Variants in TBL1X observed in about 807,000 individuals in gnomAD.
TBL1X encodes F-box-like/WD repeat-containing protein TBL1X.
Under a neutral mutation model 50.7 loss-of-function variants are expected in TBL1X, and 10 were observed. The observed-to-expected ratio is 0.20, with a 90% CI of 0.12 to 0.33. TBL1X has a LOEUF of 0.33. Among genes scored for constraint, TBL1X ranks in the 10% least tolerant of loss-of-function variants. The probability of loss-of-function intolerance (pLI) is 1.00; values close to 1 mark genes in which losing one functional copy is unlikely to be tolerated. For missense variants in TBL1X, 340 were observed against 504.4 expected (o/e 0.67, Z 3.12); for synonymous variants, 190 against 214.7 (o/e 0.88, Z 1.01).
intron 2 of TBL1X, among the ~76,000 whole-genome samples, chrX:9,627,905 G>A (rs2082700677): frequency 8.9e-6 from 1 of 112,114 alleles, no homozygotes; most frequent in Non-Finnish European, 1.9e-5. Context: ...TGATGGTTCA[G>A]TTATATAATG....
At chrX:9,587,367 C>T (rs1023996579) in intron 2 of TBL1X, among the ~76,000 whole-genome samples, 7 of 112,155 alleles carry the variant, frequency 6.2e-5, no homozygotes, top group Non-Finnish European at 1.3e-4. Flanking sequence ...GATGGGGCCC[C>T]TGCTGTGACC....
At chrX:9,580,293 G>A (rs758760959) in intron 2 of TBL1X, among the ~76,000 whole-genome samples, 1 of 112,496 alleles carries the variant, frequency 8.9e-6, no homozygotes, top group South Asian at 3.7e-4. Flanking sequence ...TCCAAGCACA[G>A]CTTGGTTTTA....
intron 1 of TBL1X, among the ~76,000 whole-genome samples, chrX:9,473,424 G>C (rs186936740): frequency 8.9e-6 from 1 of 112,141 alleles, no homozygotes; most frequent in Non-Finnish European, 1.9e-5. Flanking sequence ...TCTGACAGTA[G>C]CAGGAGAGTC....
chrX:9,576,262 A>C (rs1467796357), intron 2 of TBL1X, among the ~76,000 whole-genome samples: 1 of 112,285 alleles, frequency 8.9e-6, no homozygotes, highest in Non-Finnish European at 1.9e-5. Flanking sequence ...CAGTGTAGGC[A>C]TCAGGCCACG....
intron 2 of TBL1X, among the ~76,000 whole-genome samples, chrX:9,552,464 G>C (rs1042740067): frequency 9.0e-6 from 1 of 111,708 alleles, no homozygotes; most frequent in African/African-American, 3.3e-5. Flanking sequence ...GTATCACTCC[G>C]ACTTAAACCA....
chrX:9,581,650 A>T (rs536762135), intron 2 of TBL1X, among the ~76,000 whole-genome samples: 2 of 112,406 alleles, frequency 1.8e-5, no homozygotes, highest in South Asian at 7.5e-4. Context: ...AAATGCCAAC[A>T]TAAGAAACCC....
chrX:9,696,739 C>G (rs748377684), intron 11 of TBL1X, among the ~76,000 whole-genome samples: 2 of 112,538 alleles, frequency 1.8e-5, no homozygotes, highest in East Asian at 5.6e-4. Flanking sequence ...TCTGGAGATG[C>G]TTTGTTCCAG....
chrX:9,638,380 GA>G (rs2082759007), intron 2 of TBL1X, among the ~76,000 whole-genome samples: 1 of 112,104 alleles, frequency 8.9e-6, no homozygotes. Flanking sequence ...TAATAATGGG[GA>G]AATCAGTAAT....
intron 2 of TBL1X, among the ~76,000 whole-genome samples, chrX:9,531,354 G>GGGGTGTGTGTGTGT (rs755352161): frequency 2.7e-5 from 2 of 75,225 alleles, no homozygotes; most frequent in Non-Finnish European, 5.1e-5. Flanking sequence ...GAACCTGGAG[G>GGGGTGTGTGTGTGT]GTGTGTGTGT....
At chrX:9,552,524 A>G (rs761733898) in intron 2 of TBL1X, among the ~76,000 whole-genome samples, 12 of 111,880 alleles carry the variant, frequency 1.1e-4, no homozygotes, top group Non-Finnish European at 2.3e-4. Context: ...AATCTTCTAC[A>G]GGTGAGTAGG....
chrX:9,648,571 G>A (rs2082817345), intron 3 of TBL1X, among the ~76,000 whole-genome samples: 2 of 111,937 alleles, frequency 1.8e-5, no homozygotes, highest in Admixed American at 1.9e-4. Context: ...TTCCAAAATC[G>A]TGGGTCTTGT....
At chrX:9,490,788 G>A (rs1178980313) in intron 1 of TBL1X, among the ~76,000 whole-genome samples, 1 of 111,569 alleles carries the variant, frequency 9.0e-6, no homozygotes, top group Admixed American at 9.5e-5. Flanking sequence ...ATTCTTTGTT[G>A]TATTAAGTAT....
intron 5 of TBL1X, among the ~76,000 whole-genome samples, chrX:9,678,349 T>G (rs1364840283): frequency 9.0e-6 from 1 of 111,631 alleles, no homozygotes; most frequent in African/African-American, 3.3e-5. Context: ...CCCATTGTAG[T>G]GTGAAAATAG....
chrX:9,681,502 C>CA (rs1341277125), intron 5 of TBL1X, among the ~76,000 whole-genome samples: 1 of 112,275 alleles, frequency 8.9e-6, no homozygotes, highest in African/African-American at 3.2e-5. Context: ...ACAGAGTGCC[C>CA]AGGTTTGGTT....
intron 2 of TBL1X, among the ~76,000 whole-genome samples, chrX:9,630,875 C>T (rs2146578460): frequency 8.9e-6 from 1 of 112,461 alleles, no homozygotes; most frequent in East Asian, 2.8e-4. Context: ...CACACCTGGC[C>T]TTAAAAATAT....
chrX:9,553,612 TC>T (rs779852021), intron 2 of TBL1X, among the ~76,000 whole-genome samples: 11 of 111,410 alleles, frequency 9.9e-5, no homozygotes, highest in Non-Finnish European at 1.5e-4. Context: ...GCTAACTGTT[TC>T]TATGGATTCC....
chrX:9,648,421 G>A (rs867149291), intron 3 of TBL1X, among the ~76,000 whole-genome samples: 1 of 111,868 alleles, frequency 8.9e-6, no homozygotes, highest in Non-Finnish European at 1.9e-5. Flanking sequence ...TTGAACCTTG[G>A]TGTAGAGGGC....
intron 2 of TBL1X, among the ~76,000 whole-genome samples, chrX:9,520,102 C>T (rs185319363): frequency 4.1e-4 from 46 of 111,821 alleles, no homozygotes; most frequent in Admixed American, 2.8e-3. Flanking sequence ...CGTCATTGAA[C>T]GATTTCATCT....
At chrX:9,640,048 C>T (rs2082767252) in intron 2 of TBL1X, 1 of 112,183 alleles carries the variant, frequency 8.9e-6, no homozygotes, top group African/African-American at 3.2e-5. Context: ...AGAACTTCTA[C>T]ATGCATAATG....
Sources: gnomAD v4.1 joint callset for allele counts (sites outside exome capture counted in the v4.1 genomes callset) on GRCh38, gnomAD v4.1.1 for gene constraint, MANE v1.5 for transcripts, NCBI Gene and HGNC (gene_info 2026-07-23, HGNC 2026-07-21) for gene names.